The following PHACTR3 variants were observed in gnomAD, a reference collection of about 807,000 sequenced individuals.
PHACTR3 encodes phosphatase and actin regulator 3.
A neutral mutation model predicts 66.8 loss-of-function variants in PHACTR3; 16 were observed. The observed-to-expected ratio is 0.24, with a 90% CI of 0.16 to 0.36. PHACTR3 has a LOEUF of 0.36. PHACTR3 is among the 10% of genes least tolerant of loss of function. The pLI, the probability that PHACTR3 is intolerant of heterozygous loss-of-function variation, is 1.00. For missense variants in PHACTR3, 647 were observed against 719.9 expected (o/e 0.90, Z 1.16); for synonymous variants, 323 against 292.1 (o/e 1.11, Z -1.08).
chr20:59,836,889 A>G (rs1046805386), intron 9 of PHACTR3, among the ~76,000 whole-genome samples: 14 of 152,194 alleles, frequency 9.2e-5, no homozygotes, highest in African/African-American at 3.4e-4. Context: ...TAGAAATCAC[A>G]AAGCATGAAC....
chr20:59,621,045 C>T (rs551431758), intron 1 of PHACTR3, among the ~76,000 whole-genome samples: 2 of 152,354 alleles, frequency 1.3e-5, no homozygotes, highest in South Asian at 4.1e-4. Context: ...GGAGCTCCTT[C>T]GAGTCGGTGT....
chr20:59,739,365 C>A (rs1297903918), intron 1 of PHACTR3, among the ~76,000 whole-genome samples: 1 of 152,130 alleles, frequency 6.6e-6, no homozygotes, highest in African/African-American at 2.4e-5. Flanking sequence ...CATACTGCTA[C>A]AAAGTGCCCC....
At chr20:59,588,326 G>A (rs1055957640) in intron 1 of PHACTR3, among the ~76,000 whole-genome samples, 6 of 152,094 alleles carry the variant, frequency 3.9e-5, no homozygotes, top group African/African-American at 1.2e-4. Context: ...TCTGGGATCC[G>A]CCCCCTTGCT....
chr20:59,598,731 G>A (rs2033393238), intron 1 of PHACTR3, among the ~76,000 whole-genome samples: 2 of 152,186 alleles, frequency 1.3e-5, no homozygotes, highest in Admixed American at 1.3e-4. Flanking sequence ...TGTGGTCAAA[G>A]GTGCAGGAAG....
intron 7 of PHACTR3, among the ~76,000 whole-genome samples, chr20:59,802,910 T>C (rs2041459102): frequency 6.6e-6 from 1 of 152,232 alleles, no homozygotes; most frequent in South Asian, 2.1e-4. Flanking sequence ...GCAGGACTGG[T>C]CTGAAGATAA....
At chr20:59,802,119 G>A (rs962709103) in intron 7 of PHACTR3, among the ~76,000 whole-genome samples, 27 of 152,294 alleles carry the variant, frequency 1.8e-4, no homozygotes, top group Admixed American at 2.0e-4. Flanking sequence ...AGTTTTGGAC[G>A]TGCTAAGTTT....
chr20:59,755,468 G>A, intron 4 of PHACTR3, 104 bp downstream of exon 4: 4 of 1,292,784 alleles, frequency 3.1e-6, no homozygotes, highest in Non-Finnish European at 4.2e-6. Context: ...GTAGAACATT[G>A]TTCTCCAGAG....
intron 1 of PHACTR3, among the ~76,000 whole-genome samples, chr20:59,608,799 C>G (rs1410627525): frequency 1.3e-5 from 2 of 152,212 alleles, no homozygotes; most frequent in African/African-American, 2.4e-5. Context: ...TGTTCCCCAC[C>G]CCAGGGAACT....
rs1375024742 is a variant in PHACTR3, at chr20:59,586,118, A to C, written c.109+8501A>C. 2.6e-5 allele frequency among the ~76,000 whole-genome samples: 4 copies of C among 152,134 alleles called. No individual in the cohort carries two copies. The East Asian group carries it at 7.7e-4, about 29-fold the overall frequency. ...TGCCCTTGGTAGCCCTTCTCCATCC[A>C]AGCCTCCCTCCAGGTGGCCTGCCCT... On this transcript the variant is annotated intron_variant, in intron 1 of 12. Transcript: ENST00000359926.
At chr20:59,621,233 C>T (rs2034224879) in intron 1 of PHACTR3, among the ~76,000 whole-genome samples, 1 of 152,234 alleles carries the variant, frequency 6.6e-6, no homozygotes, top group Non-Finnish European at 1.5e-5. Context: ...CTTGCAGACC[C>T]CTGTGCAGGT....
intron 1 of PHACTR3, among the ~76,000 whole-genome samples, chr20:59,711,743 T>G (rs1274773770): frequency 6.6e-6 from 1 of 152,222 alleles, no homozygotes; most frequent in Non-Finnish European, 1.5e-5. Flanking sequence ...TGCAATGGTT[T>G]CACGCCATTG....
intron 8 of PHACTR3, among the ~76,000 whole-genome samples, chr20:59,818,835 C>T (rs1360386942): frequency 6.6e-6 from 1 of 152,184 alleles, no homozygotes; most frequent in Non-Finnish European, 1.5e-5. Context: ...GCTTGTTTAT[C>T]ATCATCTTTG....
chr20:59,711,895 A>G (rs909321535), intron 1 of PHACTR3, among the ~76,000 whole-genome samples: 9 of 152,160 alleles, frequency 5.9e-5, no homozygotes, highest in African/African-American at 2.2e-4. Context: ...AAACGATTGA[A>G]AACATTTGTA....
At chr20:59,841,096 C>G (rs2059051537) in intron 10 of PHACTR3, among the ~76,000 whole-genome samples, 1 of 152,078 alleles carries the variant, frequency 6.6e-6, no homozygotes, top group Admixed American at 6.5e-5. Context: ...GTATCTGAAG[C>G]CAGTGATGCC....
intron 7 of PHACTR3, among the ~76,000 whole-genome samples, chr20:59,777,028 C>A (rs1036268827): frequency 6.6e-6 from 1 of 152,132 alleles, no homozygotes; most frequent in African/African-American, 2.4e-5. Context: ...AGCTAGAAAT[C>A]CAAAATCAAA....
intron 8 of PHACTR3, among the ~76,000 whole-genome samples, chr20:59,831,756 C>T (rs1324199980): frequency 1.3e-5 from 2 of 152,350 alleles, no homozygotes; most frequent in Non-Finnish European, 1.5e-5. Context: ...GGCGGCATCC[C>T]TGCCCCAGCC....
At chr20:59,812,911 C>CATGAATGG in intron 8 of PHACTR3, among the ~76,000 whole-genome samples, 1 of 152,118 alleles carries the variant, frequency 6.6e-6, no homozygotes, top group South Asian at 2.1e-4. Context: ...TAAGCAGTGT[C>CATGAATGG]CCTGGGTCTC....
chr20:59,642,317 T>A (rs1044133758), intron 1 of PHACTR3, among the ~76,000 whole-genome samples: 1 of 51,144 alleles, frequency 2.0e-5, no homozygotes, highest in African/African-American at 2.2e-4. Flanking sequence ...CTTTTAGACT[T>A]TTTTTTTTTC....
In PHACTR3 at chr20:59,659,458, T is replaced by C. The variant is rs147202594; in HGVS notation, c.118+54326T>C. ...TGCAATCTCAGCTGACTGCAACCTC[T>C]GCCTCCTGGATTCAAGTGATTCTCC... On this transcript the variant is annotated intron_variant, in intron 1 of 12. Transcript: ENST00000371015. Among the ~76,000 whole-genome samples, 1,327 of 147,930 alleles carry C rather than the reference T, an allele frequency of 9.0e-3. 27 individuals are homozygous for C. The highest frequency in any genetic ancestry group is 0.031 in the African/African-American group (1,248 of 40,184).
Sources: gnomAD v4.1 joint callset for allele counts (sites outside exome capture counted in the v4.1 genomes callset) on GRCh38, gnomAD v4.1.1 for gene constraint, MANE v1.5 for transcripts, NCBI Gene and HGNC (gene_info 2026-07-23, HGNC 2026-07-21) for gene names.